The following ANO10 variants were observed in gnomAD, a reference collection of about 807,000 sequenced individuals.
ANO10 encodes the protein anoctamin 10.
A neutral mutation model predicts 74.7 loss-of-function variants in ANO10; 77 were observed. The observed-to-expected ratio is 1.03, with a 90% CI of 0.86 to 1.25. ANO10 has a LOEUF of 1.25. Ranked by LOEUF, ANO10 falls within the 50% of genes most tolerant of loss-of-function variation. The pLI, the probability that ANO10 is intolerant of heterozygous loss-of-function variation, is 0.00. For synonymous variants in ANO10, 279 were observed against 284.9 expected (o/e 0.98, Z 0.21); for missense variants, 721 against 778.1 (o/e 0.93, Z 0.87).
chr3:43,635,412 T>A (rs190749672), intron 1 of ANO10, among the ~76,000 whole-genome samples: 285 of 152,318 alleles, frequency 1.9e-3, no homozygotes, highest in Admixed American at 3.5e-3. Flanking sequence ...TCTGGCCATA[T>A]AACCTATAGA....
chr3:43,403,613 GA>G (rs2092523292), intron 12 of ANO10, among the ~76,000 whole-genome samples: 1 of 152,192 alleles, frequency 6.6e-6, no homozygotes, highest in African/African-American at 2.4e-5. Flanking sequence ...CTGTGCCCCA[GA>G]AGATGGGAAG....
intron 1 of ANO10, among the ~76,000 whole-genome samples, chr3:43,619,261 T>C (rs1267593434): frequency 2.6e-5 from 4 of 152,208 alleles, no homozygotes; most frequent in African/African-American, 7.2e-5. Flanking sequence ...TCATCCTGTT[T>C]AGGAGGATGC....
intron 1 of ANO10, among the ~76,000 whole-genome samples, chr3:43,685,632 T>C (rs937787954): frequency 1.3e-5 from 2 of 152,224 alleles, no homozygotes; most frequent in Non-Finnish European, 2.9e-5. Flanking sequence ...CTGTGCCAAT[T>C]TGCACTTCCA....
intron 4 of ANO10, among the ~76,000 whole-genome samples, 173 bp from the exon 5 acceptor site, chr3:43,580,645 C>G (rs1311675346): frequency 6.6e-6 from 1 of 152,258 alleles, no homozygotes; most frequent in South Asian, 2.1e-4. Context: ...AATATCTTTA[C>G]TATTCTCTTT....
At chr3:43,675,780 G>A (rs2084114130) in intron 1 of ANO10, among the ~76,000 whole-genome samples, 1 of 152,266 alleles carries the variant, frequency 6.6e-6, no homozygotes, top group African/African-American at 2.4e-5. Flanking sequence ...ACCAAAGGCT[G>A]GCAAGGAAGT....
intron 1 of ANO10, among the ~76,000 whole-genome samples, chr3:43,685,790 G>C (rs1191566392): frequency 6.6e-6 from 1 of 152,130 alleles, no homozygotes; most frequent in East Asian, 1.9e-4. Context: ...CTCTGAAAAG[G>C]CTTTTTTCAT....
intron 1 of ANO10, among the ~76,000 whole-genome samples, chr3:43,647,395 G>C (rs113710303): frequency 6.6e-6 from 1 of 152,078 alleles, no homozygotes; most frequent in Non-Finnish European, 1.5e-5. Flanking sequence ...TTAGATGTCC[G>C]AGGGCAGAAG....
At chr3:43,543,226 T>A (rs1220232946) in intron 11 of ANO10, among the ~76,000 whole-genome samples, 1 of 152,158 alleles carries the variant, frequency 6.6e-6, no homozygotes, top group Non-Finnish European at 1.5e-5. Context: ...TGAATCCTGA[T>A]AAAGAATATA....
At chr3:43,425,682 C>T (rs1478399476) in intron 12 of ANO10, among the ~76,000 whole-genome samples, 2 of 152,078 alleles carry the variant, frequency 1.3e-5, no homozygotes, top group Non-Finnish European at 2.9e-5. Flanking sequence ...CCCTTTGTGG[C>T]AGTAAGATAA....
chr3:43,649,711 A>C (rs957989650), intron 1 of ANO10, among the ~76,000 whole-genome samples: 1 of 152,194 alleles, frequency 6.6e-6, no homozygotes, highest in Non-Finnish European at 1.5e-5. Context: ...CAGAGTTGGG[A>C]TCCAAACTCA....
intron 1 of ANO10, among the ~76,000 whole-genome samples, chr3:43,666,338 C>T (rs2083991817): frequency 6.6e-6 from 1 of 152,142 alleles, no homozygotes; most frequent in South Asian, 2.1e-4. Flanking sequence ...TGAATTATCT[C>T]ATTCTGGATT....
At chr3:43,638,271 A>T (rs2083633991) in intron 1 of ANO10, among the ~76,000 whole-genome samples, 1 of 152,232 alleles carries the variant, frequency 6.6e-6, no homozygotes, top group Admixed American at 6.5e-5. Context: ...TTTTTGTTGA[A>T]ATTATGCAAT....
intron 12 of ANO10, among the ~76,000 whole-genome samples, 185 bp from the exon 13 acceptor site, chr3:43,367,159 G>A (rs59576729): frequency 6.6e-6 from 1 of 152,304 alleles, no homozygotes; most frequent in African/African-American, 2.4e-5. Flanking sequence ...TTGGTGTGGT[G>A]GAAATGCAAT....
At chr3:43,446,820 TA>T (rs1434275967) in intron 11 of ANO10, among the ~76,000 whole-genome samples, 2 of 152,170 alleles carry the variant, frequency 1.3e-5, no homozygotes, top group African/African-American at 2.4e-5. Context: ...AATTTATTAT[TA>T]AAAAATGTAT....
At position 43,462,764 on chromosome 3, in the gene ANO10, A is replaced by G. The variant is rs183275871; in HGVS notation, c.1798-30037T>C. Among the ~76,000 whole-genome samples, 396 of 152,276 alleles carry G rather than the reference A, an allele frequency of 2.6e-3. 1 individual carries two copies. Among genetic ancestry groups the G allele is most frequent in the African/African-American group, 9.0e-3 (376 of 41,572 alleles). ...ATCACAGGCCAGGAGGCCTAGGAGG[A>G]AAAAGCGGTTTTGTGGGCCAGGCCC... On this transcript the variant is annotated intron_variant, in intron 11 of 12. Coordinates refer to ENST00000292246, the MANE Select transcript of ANO10 (RefSeq NM_018075.5).
At chr3:43,644,174 C>T (rs2083703509) in intron 1 of ANO10, among the ~76,000 whole-genome samples, 1 of 152,092 alleles carries the variant, frequency 6.6e-6, no homozygotes, top group South Asian at 2.1e-4. Flanking sequence ...CTGTGCCAAA[C>T]CTCCTTGATT....
chr3:43,463,394 A>C (rs1158559594), intron 11 of ANO10, among the ~76,000 whole-genome samples: 3 of 152,186 alleles, frequency 2.0e-5, no homozygotes, highest in South Asian at 2.1e-4. Context: ...TTTATAATTA[A>C]AGCTTAAAAC....
At chr3:43,543,092 GTA>G (rs2079026099) in intron 11 of ANO10, among the ~76,000 whole-genome samples, 1 of 152,118 alleles carries the variant, frequency 6.6e-6, no homozygotes. Context: ...ATCCACATTT[GTA>G]TAGTTTCAAA....
At chr3:43,394,311 C>G (rs952828789) in intron 12 of ANO10, among the ~76,000 whole-genome samples, 1 of 152,130 alleles carries the variant, frequency 6.6e-6, no homozygotes, top group Non-Finnish European at 1.5e-5. Flanking sequence ...GCCTGGCAGG[C>G]AGCCACCCCT....
Sources: gnomAD v4.1 joint callset for allele counts (sites outside exome capture counted in the v4.1 genomes callset) on GRCh38, gnomAD v4.1.1 for gene constraint, MANE v1.5 for transcripts, NCBI Gene and HGNC (gene_info 2026-07-23, HGNC 2026-07-21) for gene names.